Variants in NYAP2 observed in about 807,000 individuals in gnomAD.
NYAP2 encodes neuronal tyrosine-phosphorylated phosphoinositide-3-kinase adapter 2.
NYAP2 carries 23 observed loss-of-function variants against 50.4 expected under a neutral mutation model. That is an observed-to-expected ratio of 0.46 (90% CI 0.33 to 0.65). The LOEUF (loss-of-function observed/expected upper bound fraction) is 0.65, where lower values mean the gene tolerates loss of function less well. NYAP2 is among the 30% of genes least tolerant of loss of function. The probability of loss-of-function intolerance (pLI) is 0.02; values close to 1 mark genes in which losing one functional copy is unlikely to be tolerated. For missense variants in NYAP2, 885 were observed against 861.0 expected (o/e 1.03, Z -0.35); for synonymous variants, 394 against 365.2 (o/e 1.08, Z -0.90).
chr2:225,448,621 G>T (rs1574620371), intron 3 of NYAP2, among the ~76,000 whole-genome samples: 1 of 152,146 alleles, frequency 6.6e-6, no homozygotes, highest in South Asian at 2.1e-4. Flanking sequence ...GGCTGTGCCT[G>T]TCTGCATCCA....
chr2:225,405,816 A>G (rs1445293498), intron 2 of NYAP2, among the ~76,000 whole-genome samples: 3 of 151,988 alleles, frequency 2.0e-5, no homozygotes, highest in African/African-American at 4.8e-5. Flanking sequence ...GGAGCTGTCC[A>G]TATAGATTTG....
chr2:225,637,024 T>G (rs1367452176), intron 6 of NYAP2, among the ~76,000 whole-genome samples: 6 of 152,186 alleles, frequency 3.9e-5, no homozygotes, highest in Non-Finnish European at 5.9e-5. Flanking sequence ...ACAGATACCA[T>G]GATCTGTTTG....
chr2:225,518,111 T>C (rs1211111093), intron 4 of NYAP2, among the ~76,000 whole-genome samples: 3 of 151,796 alleles, frequency 2.0e-5, no homozygotes, highest in African/African-American at 7.3e-5. Flanking sequence ...ATGTCATTCA[T>C]ACACATACAC....
At chr2:225,672,809 A>AAG in the NYAP2 span, among the ~76,000 whole-genome samples, 113,345 of 151,652 alleles carry the variant, frequency 0.75, 42,572 homozygotes, top group Middle Eastern at 0.85. Context: ...TGAGGAGAGG[A>AAG]AGAGATGGGG....
chr2:225,449,104 TCTG>T (rs895855128), intron 3 of NYAP2, among the ~76,000 whole-genome samples: 1 of 152,238 alleles, frequency 6.6e-6, no homozygotes, highest in African/African-American at 2.4e-5. Context: ...TTATTGAGCA[TCTG>T]CTAAGTGGTA....
rs115830604 is a variant in NYAP2 at position 225,535,425 on chromosome 2, C to A, written c.523+21753C>A. Among the ~76,000 whole-genome samples, 1,012 of 152,196 alleles carry A rather than the reference C, an allele frequency of 6.6e-3. 7 individuals carry two copies. Among genetic ancestry groups the A allele is most frequent in the Non-Finnish European group, 0.011 (745 of 68,006 alleles). On this transcript the variant is annotated intron_variant, in intron 4 of 6. Transcript: ENST00000636099. ...GTAGATATCTTGTAACAGAGTGTTACAAGTGGCAAAAACAGTTGCTACAGA... is the reference window on the plus strand; with the variant it reads ...GTAGATATCTTGTAACAGAGTGTTAAAAGTGGCAAAAACAGTTGCTACAGA...
the NYAP2 span, among the ~76,000 whole-genome samples, chr2:225,684,740 G>T: frequency 6.6e-6 from 1 of 151,952 alleles, no homozygotes; most frequent in African/African-American, 2.4e-5. Context: ...TTGTAAAGAT[G>T]GGGTTTCACT....
At chr2:225,448,169 G>T (rs1375409562) in intron 3 of NYAP2, among the ~76,000 whole-genome samples, 1 of 152,250 alleles carries the variant, frequency 6.6e-6, no homozygotes, top group African/African-American at 2.4e-5. Context: ...GGTGGAAAAA[G>T]AAAAATAGAG....
intron 5 of NYAP2, among the ~76,000 whole-genome samples, chr2:225,623,590 C>A (rs2106255957): frequency 6.6e-6 from 1 of 152,140 alleles, no homozygotes; most frequent in East Asian, 1.9e-4. Flanking sequence ...TGTTTAGCTA[C>A]AATTTTCCTA....
rs535022656 is a variant in NYAP2, at chr2:225,510,939, T to G, written c.222-2432T>G. Among the ~76,000 whole-genome samples, 938 of 152,242 alleles carry G rather than the reference T, an allele frequency of 6.2e-3. 6 individuals are homozygous for G. The highest frequency in any genetic ancestry group is 0.01 in the Non-Finnish European group (697 of 68,004). ...GTTCAGGCTCCATTTAGGTCAAAAG[T>G]AACTGAGAAATTGCTGATAGAATTA... On this transcript the variant is annotated intron_variant, in intron 3 of 6. Coordinates refer to ENST00000636099, the Ensembl canonical transcript of NYAP2.
chr2:225,500,448 G>GT (rs1176891938), intron 3 of NYAP2, among the ~76,000 whole-genome samples: 1 of 152,182 alleles, frequency 6.6e-6, no homozygotes, highest in African/African-American at 2.4e-5. Flanking sequence ...TCTGAGGTGT[G>GT]TTTTTCCCTT....
At chr2:225,455,890 A>G (rs1229937886) in intron 3 of NYAP2, among the ~76,000 whole-genome samples, 1 of 152,198 alleles carries the variant, frequency 6.6e-6, no homozygotes, top group African/African-American at 2.4e-5. Context: ...GTCAGTGTTG[A>G]TTAAGTGATG....
intron 5 of NYAP2, among the ~76,000 whole-genome samples, chr2:225,624,266 C>T (rs1216623667): frequency 2.0e-5 from 3 of 152,150 alleles, no homozygotes; most frequent in Non-Finnish European, 2.9e-5. Flanking sequence ...TAAAGTGTTT[C>T]GTTTATCAAC....
At chr2:225,520,822 A>T (rs1237820272) in intron 4 of NYAP2, among the ~76,000 whole-genome samples, 2 of 152,178 alleles carry the variant, frequency 1.3e-5, no homozygotes, top group African/African-American at 4.8e-5. Flanking sequence ...AGTCATTGGT[A>T]GCTTGATGGG....
At chr2:225,615,472 G>A in intron 5 of NYAP2, among the ~76,000 whole-genome samples, 1 of 152,114 alleles carries the variant, frequency 6.6e-6, no homozygotes, top group East Asian at 1.9e-4. Flanking sequence ...GATATTTGGT[G>A]GAGAGCTTTT....
At chr2:225,613,076 A>G (rs139841900) in intron 5 of NYAP2, among the ~76,000 whole-genome samples, 135 of 152,300 alleles carry the variant, frequency 8.9e-4, no homozygotes, top group African/African-American at 3.0e-3. Flanking sequence ...GACTCACACA[A>G]TTACGAGGCG....
At chr2:225,567,018 C>T (rs1321237373) in intron 4 of NYAP2, among the ~76,000 whole-genome samples, 1 of 152,034 alleles carries the variant, frequency 6.6e-6, no homozygotes, top group Non-Finnish European at 1.5e-5. Context: ...ATTTCGTTGT[C>T]ATGGGAACAT....
At chr2:225,703,603 ATTAT>A in the NYAP2 span, 4 of 151,832 alleles carry the variant, frequency 2.6e-5, no homozygotes, top group African/African-American at 4.8e-5. Context: ...ACTTTTTGTG[ATTAT>A]TTATTTGTGC....
chr2:225,462,136 T>A (rs746067506), intron 3 of NYAP2, among the ~76,000 whole-genome samples: 6 of 152,224 alleles, frequency 3.9e-5, no homozygotes, highest in Non-Finnish European at 7.3e-5. Context: ...CACTGCATAG[T>A]TGCATAGGTT....
Sources: gnomAD v4.1 joint callset for allele counts (sites outside exome capture counted in the v4.1 genomes callset) on GRCh38, gnomAD v4.1.1 for gene constraint, MANE v1.5 for transcripts, NCBI Gene and HGNC (gene_info 2026-07-23, HGNC 2026-07-21) for gene names.